Variants in NDUFAB1 observed in about 807,000 individuals in gnomAD.
NDUFAB1 encodes the protein acyl carrier protein, mitochondrial.
A neutral mutation model predicts 16.1 loss-of-function variants in NDUFAB1; 5 were observed. The observed-to-expected ratio is 0.31, with a 90% CI of 0.16 to 0.65. NDUFAB1 has a LOEUF of 0.65. Ranked by LOEUF, NDUFAB1 falls within the 30% of genes least tolerant of loss-of-function variation. The pLI is 0.77. For synonymous variants in NDUFAB1, 85 were observed against 78.4 expected, an observed-to-expected ratio of 1.08 and a Z score of -0.44; for missense variants, 187 against 205.3, an observed-to-expected ratio of 0.91 and a Z score of 0.54.
chr16:23,594,669 G>A (rs1966307971), intron 1 of NDUFAB1, among the ~76,000 whole-genome samples: 1 of 150,232 alleles, frequency 6.7e-6, no homozygotes, highest in Non-Finnish European at 1.5e-5. Flanking sequence ...TGTATTTTTT[G>A]TAGAGACGGG....
chr16:23,592,457 C>T (rs965688697), intron 1 of NDUFAB1, among the ~76,000 whole-genome samples: 2 of 152,062 alleles, frequency 1.3e-5, no homozygotes, highest in African/African-American at 4.8e-5. Context: ...GAGGGAGGGC[C>T]CAGGTCTGCA....
chr16:23,589,299 G>GA (rs200912248), intron 1 of NDUFAB1, among the ~76,000 whole-genome samples: 1,405 of 102,274 alleles, frequency 0.014, 6 homozygotes, highest in African/African-American at 0.029. Context: ...TCCGTCTCAA[G>GA]AAAAAAAAAA....
intron 3 of NDUFAB1, among the ~76,000 whole-genome samples, chr16:23,583,094 CAGATGG>C (rs1567406917): frequency 6.6e-6 from 1 of 152,294 alleles, no homozygotes; most frequent in Non-Finnish European, 1.5e-5. Context: ...GCCGGGATTG[CAGATGG>C]AGTCTCGTTC....
chr16:23,589,042 G>A (rs1280570625), intron 1 of NDUFAB1, among the ~76,000 whole-genome samples: 2 of 152,172 alleles, frequency 1.3e-5, no homozygotes, highest in Non-Finnish European at 2.9e-5. Context: ...GCTCACACCT[G>A]TAATTGCCAC....
At chr16:23,582,771 CCT>C (rs1966192323) in intron 3 of NDUFAB1, among the ~76,000 whole-genome samples, 1 of 149,880 alleles carries the variant, frequency 6.7e-6, no homozygotes, top group Non-Finnish European at 1.5e-5. Flanking sequence ...TCTCCCTCTC[CCT>C]CTCCCCAAGG....
At chr16:23,591,666 A>G (rs1966280274) in intron 1 of NDUFAB1, among the ~76,000 whole-genome samples, 1 of 152,108 alleles carries the variant, frequency 6.6e-6, no homozygotes, top group South Asian at 2.1e-4. Context: ...TGCAGCATAC[A>G]GCTCCCTTCA....
At chr16:23,595,635 G>C (rs1432197105) in intron 1 of NDUFAB1, 2 of 457,308 alleles carry the variant, frequency 4.4e-6, no homozygotes, top group Non-Finnish European at 8.8e-6. Context: ...ACAGGCAGAA[G>C]GTGCTGCAGG....
rs398042088 is a variant in NDUFAB1 at position 23,590,638 on chromosome 16, CT to C, written c.169-3320del. On this transcript the variant is annotated intron_variant, in intron 1 of 4. Transcript: ENST00000007516. ...CCTCTCATGCTCCTGCCTCTGGTCT[CT>C]TTTTTTTTTTTTTTTCAGACAGAGT... 1.1e-3 allele frequency among the ~76,000 whole-genome samples: 143 copies of C among 131,788 alleles called. 2 individuals carry two copies. Among genetic ancestry groups the C allele is most frequent in the East Asian group, 3.0e-3 (14 of 4,660 alleles). 86.5% of individuals were successfully genotyped at this position (131,788 alleles called of 152,430 possible).
intron 3 of NDUFAB1, among the ~76,000 whole-genome samples, chr16:23,583,890 A>G (rs1341804665): frequency 6.6e-6 from 1 of 152,008 alleles, no homozygotes; most frequent in African/African-American, 2.4e-5. Context: ...TAGACATAGG[A>G]GACTCCATTT....
chr16:23,587,703 T>C (rs983033129), intron 1 of NDUFAB1, among the ~76,000 whole-genome samples: 1 of 152,244 alleles, frequency 6.6e-6, no homozygotes, highest in Non-Finnish European at 1.5e-5. Context: ...CCACCTTTAA[T>C]AGGCTGACCC....
chr16:23,595,338 C>T, intron 1 of NDUFAB1: 1 of 326,128 alleles, frequency 3.1e-6, no homozygotes, highest in Non-Finnish European at 6.1e-6. Flanking sequence ...TTCATCAGCT[C>T]AAGCTATATA....
In NDUFAB1 at chr16:23,581,101, A is replaced by G. The variant is rs1334747823; in HGVS notation, c.*81T>C. ...AATCACTCTGTCAGAGTCAGCAAGA[A>G]TGCCAAAATGTGTCCTCACTGCCAG... On this transcript the variant is annotated 3_prime_UTR_variant, in exon 5 of 5. Coordinates refer to ENST00000007516, the MANE Select transcript of NDUFAB1 (RefSeq NM_005003.3). 1 of 152,712 alleles carries G rather than the reference A, an allele frequency of 6.5e-6. No homozygotes were observed. The highest frequency in any genetic ancestry group is 1.5e-5 in the Non-Finnish European group (1 of 68,062). 9.5% of individuals were successfully genotyped at this position (152,712 alleles called of 1,614,324 possible).
intron 1 of NDUFAB1, among the ~76,000 whole-genome samples, chr16:23,587,920 C>T (rs1316175816): frequency 3.3e-5 from 5 of 152,262 alleles, no homozygotes; most frequent in Non-Finnish European, 7.3e-5. Context: ...TCCAGCGAGG[C>T]TTGCCTCATG....
intron 4 of NDUFAB1, 89 bp downstream of exon 4, chr16:23,582,187 A>G (rs1389007718): frequency 1.5e-6 from 2 of 1,341,834 alleles, no homozygotes; most frequent in Non-Finnish European, 9.6e-7. Context: ...TTGGTCAAGC[A>G]TTTCCATTTT....
chr16:23,584,238 A>C, intron 3 of NDUFAB1, among the ~76,000 whole-genome samples: 1 of 111,076 alleles, frequency 9.0e-6, no homozygotes, highest in South Asian at 3.3e-4. Flanking sequence ...TGCGAGAAAC[A>C]CCCAAGAATG....
chr16:23,587,782 A>G (rs1188555462), intron 1 of NDUFAB1, among the ~76,000 whole-genome samples: 3 of 152,278 alleles, frequency 2.0e-5, no homozygotes, highest in Non-Finnish European at 4.4e-5. Flanking sequence ...TGAGGACCAT[A>G]CACCAGAAAG....
chr16:23,583,296 G>A (rs1269568897), intron 3 of NDUFAB1, among the ~76,000 whole-genome samples: 5 of 149,504 alleles, frequency 3.3e-5, no homozygotes, highest in East Asian at 2.0e-4. Context: ...AGTGAGGAGC[G>A]CCCCTTCCCG....
intron 1 of NDUFAB1, among the ~76,000 whole-genome samples, chr16:23,595,088 T>A (rs1966312332): frequency 6.6e-6 from 1 of 151,842 alleles, no homozygotes; most frequent in African/African-American, 2.4e-5. Context: ...CCGTCTCCAC[T>A]AAAAATACAA....
intron 1 of NDUFAB1, among the ~76,000 whole-genome samples, chr16:23,590,642 T>TCTTC (rs1567409186): frequency 8.7e-5 from 13 of 150,166 alleles, no homozygotes; most frequent in Non-Finnish European, 1.8e-4. Context: ...TGGTCTCTTT[T>TCTTC]TTTTTTTTTT....
Sources: gnomAD v4.1 joint callset for allele counts (sites outside exome capture counted in the v4.1 genomes callset) on GRCh38, gnomAD v4.1.1 for gene constraint, MANE v1.5 for transcripts, NCBI Gene and HGNC (gene_info 2026-07-23, HGNC 2026-07-21) for gene names.